Variants in DCC observed in about 807,000 individuals in gnomAD.
DCC encodes netrin receptor DCC.
A neutral mutation model predicts 172.5 loss-of-function variants in DCC; 58 were observed. The observed-to-expected ratio is 0.34, with a 90% confidence interval of 0.27 to 0.42. The LOEUF (loss-of-function observed/expected upper bound fraction) is 0.42. DCC is among the 10% of genes least tolerant of loss of function. DCC has a pLI of 1.00. For missense variants in DCC, 1,740 were observed against 1,791.0 expected (o/e 0.97, Z 0.51); for synonymous variants, 709 against 644.5 (o/e 1.10, Z -1.52).
At chr18:53,153,774 T>C (rs1181174479) in intron 7 of DCC, among the ~76,000 whole-genome samples, 4 of 152,110 alleles carry the variant, frequency 2.6e-5, no homozygotes, top group Non-Finnish European at 5.9e-5. Flanking sequence ...AGGGGCTTGT[T>C]AAGGTTTGGG....
intron 2 of DCC, among the ~76,000 whole-genome samples, chr18:52,790,441 C>A (rs1459713948): frequency 6.6e-6 from 1 of 152,094 alleles, no homozygotes; most frequent in African/African-American, 2.4e-5. Context: ...AAGAGAGAGG[C>A]CAAAAGCCTG....
chr18:53,503,889 A>G (rs1046339906), intron 27 of DCC, among the ~76,000 whole-genome samples: 4 of 151,816 alleles, frequency 2.6e-5, no homozygotes, highest in African/African-American at 9.7e-5. Flanking sequence ...TTATAAAAGC[A>G]AAACTCCAGA....
At chr18:52,406,219 A>C (rs201213313) in intron 1 of DCC, among the ~76,000 whole-genome samples, 3 of 150,930 alleles carry the variant, frequency 2.0e-5, no homozygotes, top group East Asian at 2.0e-4. Context: ...CATAAAAACC[A>C]GAGAAGAAAA....
At chr18:53,255,029 A>G (rs1186862748) in intron 12 of DCC, among the ~76,000 whole-genome samples, 2 of 151,810 alleles carry the variant, frequency 1.3e-5, no homozygotes, top group Non-Finnish European at 2.9e-5. Context: ...CCACTCCTCT[A>G]TTGGAAACAA....
At chr18:53,405,233 G>T (rs922554896) in intron 19 of DCC, among the ~76,000 whole-genome samples, 14 of 151,262 alleles carry the variant, frequency 9.3e-5, no homozygotes, top group African/African-American at 3.1e-4. Context: ...AGTGCGACCA[G>T]GTAGATGTGT....
chr18:52,588,318 G>A lies in DCC; in HGVS notation c.92-163736G>A, dbSNP rs188849342. On this transcript the variant is annotated intron_variant, in intron 1 of 28. Transcript: ENST00000442544. ...TTCCTATGGCCCAAGTGGCAGAGCA[G>A]GTTGCACAGCAGCCTGCACCTGTTG... 6.4e-3 allele frequency among the ~76,000 whole-genome samples: 967 copies of A among 152,264 alleles called. 30 individuals are homozygous for A. The highest frequency in any genetic ancestry group is 0.048 in the Admixed American group (739 of 15,290).
At chr18:52,750,017 C>G (rs1249731463) in intron 1 of DCC, among the ~76,000 whole-genome samples, 1 of 152,170 alleles carries the variant, frequency 6.6e-6, no homozygotes, top group Admixed American at 6.5e-5. Flanking sequence ...GGTTTGCTAG[C>G]TTGTGTTTCT....
intron 14 of DCC, among the ~76,000 whole-genome samples, chr18:53,333,396 A>G (rs973355253): frequency 6.6e-6 from 1 of 152,230 alleles, no homozygotes; most frequent in African/African-American, 2.4e-5. Flanking sequence ...GATCCATAAA[A>G]TGCAGCACGC....
chr18:53,287,384 A>G (rs1244324995), intron 12 of DCC, among the ~76,000 whole-genome samples: 1 of 152,182 alleles, frequency 6.6e-6, no homozygotes, highest in Non-Finnish European at 1.5e-5. Context: ...CATTCATCAG[A>G]TAGTGGGCAT....
chr18:53,199,444 T>C (rs1047546756), intron 9 of DCC, among the ~76,000 whole-genome samples: 8 of 152,146 alleles, frequency 5.3e-5, no homozygotes, highest in Non-Finnish European at 1.2e-4. Context: ...TTGCAGCTCA[T>C]GTGCATGTAA....
chr18:52,382,687 G>A (rs1985635263), intron 1 of DCC, among the ~76,000 whole-genome samples: 1 of 152,084 alleles, frequency 6.6e-6, no homozygotes, highest in African/African-American at 2.4e-5. Flanking sequence ...AAGAAATTGA[G>A]GATGATATCA....
intron 5 of DCC, among the ~76,000 whole-genome samples, chr18:53,025,724 A>C (rs1014899643): frequency 3.3e-5 from 5 of 151,378 alleles, no homozygotes; most frequent in Non-Finnish European, 5.9e-5. Flanking sequence ...AAAGTAACTG[A>C]AGATGTTTAG....
At chr18:52,818,673 G>A (rs2038348870) in intron 2 of DCC, among the ~76,000 whole-genome samples, 1 of 152,156 alleles carries the variant, frequency 6.6e-6, no homozygotes, top group African/African-American at 2.4e-5. Flanking sequence ...GTTTTATTTA[G>A]GTAGCATCTG....
intron 1 of DCC, among the ~76,000 whole-genome samples, chr18:52,568,717 A>G (rs2033222955): frequency 6.6e-6 from 1 of 152,152 alleles, no homozygotes; most frequent in Admixed American, 6.6e-5. Context: ...CTTCTCATTT[A>G]GATGTACCCA....
chr18:53,355,526 CT>C (rs2057868182), intron 15 of DCC, among the ~76,000 whole-genome samples: 1 of 152,148 alleles, frequency 6.6e-6, no homozygotes, highest in South Asian at 2.1e-4. Flanking sequence ...ATTTCATTCT[CT>C]TTGAAGCAAT....
At chr18:53,271,446 A>G (rs575729347) in intron 12 of DCC, among the ~76,000 whole-genome samples, 8 of 152,180 alleles carry the variant, frequency 5.3e-5, no homozygotes, top group African/African-American at 1.7e-4. Context: ...ATCTCCCACA[A>G]TGCTGTCTCA....
intron 7 of DCC, among the ~76,000 whole-genome samples, chr18:53,153,359 A>G (rs1033376136): frequency 3.4e-4 from 52 of 152,248 alleles, no homozygotes; most frequent in African/African-American, 1.3e-3. Flanking sequence ...TTATTTTTTA[A>G]ATAATAAATT....
intron 2 of DCC, among the ~76,000 whole-genome samples, chr18:52,801,164 C>T (rs115255616): frequency 1.1e-4 from 16 of 152,256 alleles, no homozygotes; most frequent in African/African-American, 3.9e-4. Flanking sequence ...ATCTCAAATT[C>T]AGCTGAGGCT....
chr18:52,481,507 C>T (rs1598852304), intron 1 of DCC, among the ~76,000 whole-genome samples: 1 of 152,096 alleles, frequency 6.6e-6, no homozygotes, highest in East Asian at 1.9e-4. Flanking sequence ...GATTTTGAGG[C>T]AAAGACTCAA....
Sources: gnomAD v4.1 joint callset for allele counts (sites outside exome capture counted in the v4.1 genomes callset) on GRCh38, gnomAD v4.1.1 for gene constraint, MANE v1.5 for transcripts, NCBI Gene and HGNC (gene_info 2026-07-23, HGNC 2026-07-21) for gene names.